CFAP54: variants seen among roughly 807,000 people sequenced by gnomAD.
CFAP54 encodes cilia and flagella associated protein 54, also known as cilia- and flagella-associated protein 54.
CFAP54 carries 290 observed loss-of-function variants against 370.4 expected under a neutral mutation model. The ratio of observed to expected loss-of-function variants is 0.78; its 90% CI spans 0.71 to 0.86. CFAP54 has a LOEUF of 0.86. CFAP54 is among the 40% of genes least tolerant of loss of function. The pLI, the probability that CFAP54 is intolerant of heterozygous loss-of-function variation, is 0.00. For synonymous variants in CFAP54, 1,206 were observed against 1,236.5 expected, an observed-to-expected ratio of 0.98 and a Z score of 0.52; for missense variants, 3,399 against 3,528.7, an observed-to-expected ratio of 0.96 and a Z score of 0.93.
intron 48 of CFAP54, among the ~76,000 whole-genome samples, chr12:96,710,521 G>A (rs1467049017): frequency 1.3e-5 from 2 of 152,094 alleles, no homozygotes; most frequent in African/African-American, 4.8e-5. Context: ...TGGGGTAAGA[G>A]CCTAATAAAG....
At chr12:96,647,521 T>G (rs1956810119) in intron 33 of CFAP54, among the ~76,000 whole-genome samples, 1 of 143,236 alleles carries the variant, frequency 7.0e-6, no homozygotes, top group Non-Finnish European at 1.5e-5. Flanking sequence ...TATGGACACA[T>G]TACTATATAT....
chr12:96,852,354 T>C (rs1959571712), intron 66 of CFAP54, among the ~76,000 whole-genome samples: 1 of 152,102 alleles, frequency 6.6e-6, no homozygotes, highest in South Asian at 2.1e-4. Flanking sequence ...ATCTGGACTC[T>C]CCGTTGTATT....
At chr12:96,686,675 A>G (rs778363255) in intron 42 of CFAP54, among the ~76,000 whole-genome samples, 3 of 152,148 alleles carry the variant, frequency 2.0e-5, no homozygotes, top group Non-Finnish European at 4.4e-5. Flanking sequence ...GCACTAAGCC[A>G]TTCATGAGGG....
chr12:96,534,551 G>A (rs577436213), intron 11 of CFAP54, among the ~76,000 whole-genome samples: 9 of 152,286 alleles, frequency 5.9e-5, no homozygotes, highest in African/African-American at 1.4e-4. Context: ...AGGGAGGCCC[G>A]CAAGGCAGTG....
At chr12:96,739,923 C>A in intron 50 of CFAP54, 33 bp from the exon 51 acceptor site, 1 of 1,239,338 alleles carries the variant, frequency 8.1e-7, no homozygotes, top group South Asian at 1.3e-5. Flanking sequence ...AAATATAATA[C>A]TGATAACATT....
chr12:96,720,160 C>A (rs1185042634), intron 49 of CFAP54, among the ~76,000 whole-genome samples: 1 of 152,190 alleles, frequency 6.6e-6, no homozygotes, highest in African/African-American at 2.4e-5. Context: ...ATAGTAAGCA[C>A]CAGCTGTGCA....
chr12:96,557,375 TATA>T (rs1223803139), intron 17 of CFAP54, among the ~76,000 whole-genome samples: 5 of 152,154 alleles, frequency 3.3e-5, no homozygotes, highest in African/African-American at 4.8e-5. Flanking sequence ...TTATGGCCAA[TATA>T]ATTATTTTGT....
At chr12:96,798,752 T>C (rs1958790971) in intron 63 of CFAP54, among the ~76,000 whole-genome samples, 1 of 152,176 alleles carries the variant, frequency 6.6e-6, no homozygotes, top group South Asian at 2.1e-4. Flanking sequence ...CATTATTATG[T>C]GAAATTATTT....
intron 5 of CFAP54, among the ~76,000 whole-genome samples, chr12:96,514,014 C>T (rs1955203383): frequency 6.6e-6 from 1 of 152,232 alleles, no homozygotes; most frequent in Non-Finnish European, 1.5e-5. Context: ...CTTCTATTGA[C>T]TTCCCTACAA....
intron 26 of CFAP54, among the ~76,000 whole-genome samples, chr12:96,614,114 A>G (rs544100499): frequency 1.3e-5 from 2 of 152,240 alleles, no homozygotes; most frequent in East Asian, 1.9e-4. Context: ...AAAATCCTCA[A>G]TAAAATGCTG....
At chr12:96,643,409 G>A (rs1367308177) in intron 32 of CFAP54, among the ~76,000 whole-genome samples, 1 of 151,628 alleles carries the variant, frequency 6.6e-6, no homozygotes, top group Non-Finnish European at 1.5e-5. Context: ...GTGTGTGTGT[G>A]TGTGTGTGTT....
At chr12:96,728,367 T>G (rs9669520) in intron 50 of CFAP54, among the ~76,000 whole-genome samples, 57,057 of 151,664 alleles carry the variant, frequency 0.38, 11,797 homozygotes, top group East Asian at 0.68. Context: ...TTGGAGGCTT[T>G]GTTTGTTTCT....
chr12:96,524,748 T>C (rs961944046), intron 8 of CFAP54, among the ~76,000 whole-genome samples: 1 of 152,220 alleles, frequency 6.6e-6, no homozygotes, highest in Non-Finnish European at 1.5e-5. Context: ...CTAGAGTAGA[T>C]GTCATGGAGA....
intron 67 of CFAP54, among the ~76,000 whole-genome samples, chr12:96,868,554 G>A (rs1184249089): frequency 6.7e-6 from 1 of 149,466 alleles, no homozygotes; most frequent in African/African-American, 2.5e-5. Flanking sequence ...ATGGTTCAGT[G>A]GTTCTTATTT....
intron 15 of CFAP54, among the ~76,000 whole-genome samples, chr12:96,553,398 C>G (rs1164992269): frequency 1.3e-5 from 2 of 151,236 alleles, no homozygotes; most frequent in African/African-American, 4.9e-5. Flanking sequence ...AAAACATGCA[C>G]AAAATAGTAA....
chr12:96,818,741 C>A (rs1255636550), intron 65 of CFAP54, among the ~76,000 whole-genome samples: 4 of 152,176 alleles, frequency 2.6e-5, no homozygotes, highest in African/African-American at 9.7e-5. Flanking sequence ...AAAGTATAAA[C>A]AAAGATAGCC....
At chr12:96,669,265 G>T (rs1029663268) in intron 39 of CFAP54, among the ~76,000 whole-genome samples, 2 of 152,226 alleles carry the variant, frequency 1.3e-5, no homozygotes, top group South Asian at 2.1e-4. Context: ...TTTATCTGGA[G>T]AACTGAGGGG....
intron 1 of CFAP54, among the ~76,000 whole-genome samples, chr12:96,490,160 C>T (rs185681901): frequency 4.7e-4 from 71 of 152,294 alleles, no homozygotes; most frequent in Admixed American, 1.2e-3. Flanking sequence ...TAAAAATCTA[C>T]ACAGAAATGT....
intron 11 of CFAP54, 48 bp downstream of exon 11, chr12:96,534,275 C>T (rs1010183474): frequency 2.8e-6 from 3 of 1,060,586 alleles, no homozygotes; most frequent in African/African-American, 3.2e-5. Context: ...ACGAAATATG[C>T]TCTTTTATAG....
Sources: allele counts gnomAD v4.1 joint callset (sites outside exome capture counted in the v4.1 genomes callset), GRCh38; gene constraint gnomAD v4.1.1; transcripts MANE v1.5; gene names NCBI Gene and HGNC (gene_info 2026-07-23, HGNC 2026-07-21).